CADPS: variants seen among roughly 807,000 people sequenced by gnomAD.
The protein encoded by CADPS is calcium-dependent secretion activator 1.
A neutral mutation model predicts 167.3 loss-of-function variants in CADPS; 57 were observed. The ratio of observed to expected loss-of-function variants is 0.34; its 90% CI spans 0.28 to 0.42. CADPS has a LOEUF of 0.42. Ranked by LOEUF, CADPS falls within the 20% of genes least tolerant of loss-of-function variation. CADPS has a pLI of 1.00. For missense variants in CADPS, 1,414 were observed against 1,738.1 expected, an observed-to-expected ratio of 0.81 and a Z score of 3.32; for synonymous variants, 676 against 635.3, an observed-to-expected ratio of 1.06 and a Z score of -0.96.
chr3:62,669,615 T>C (rs143813467), intron 3 of CADPS, among the ~76,000 whole-genome samples: 1 of 152,318 alleles, frequency 6.6e-6, no homozygotes, highest in Non-Finnish European at 1.5e-5. Context: ...ACTGTCCAAG[T>C]TCAAATCTTT....
Position 62,791,780 on chromosome 3 carries a change from C to CT in CADPS, c.442-25797dup, listed in dbSNP as rs1175798201. ...CCTTTCAAACTGTTCTGGCAATGCC[C>CT]TTTCCTAAATGTGTCACGTTAAGCA... On this transcript the variant is annotated intron_variant, in intron 1 of 29. Coordinates refer to ENST00000383710, the MANE Select transcript of CADPS (RefSeq NM_003716.4). 2.0e-5 allele frequency among the ~76,000 whole-genome samples: 3 copies of CT among 152,180 alleles called. No individual in the cohort carries two copies. In the East Asian group the frequency reaches 5.8e-4, roughly 29 times the overall value.
At chr3:62,606,372 GT>G (rs1354210780) in intron 6 of CADPS, among the ~76,000 whole-genome samples, 2 of 152,068 alleles carry the variant, frequency 1.3e-5, no homozygotes, top group Non-Finnish European at 2.9e-5. Context: ...AGATTAATGG[GT>G]TATCAAAGAA....
rs1289818555 is a variant in CADPS at position 62,507,462 on chromosome 3, C to T, written c.2599+5289G>A. On this transcript the variant is annotated intron_variant, in intron 17 of 29. Coordinates refer to ENST00000383710, the MANE Select transcript of CADPS (RefSeq NM_003716.4). ...AGGGTAGGGAGCATGACTGCTTTTG[C>T]TCATCACACACTCCCCTGGTGTCTG... Among the ~76,000 whole-genome samples, 4 of 151,246 alleles carry T rather than the reference C, an allele frequency of 2.6e-5. No homozygotes were observed. In the East Asian group the frequency reaches 7.8e-4, roughly 29 times the overall value.
chr3:62,806,497 T>C (rs2094109309), intron 1 of CADPS, among the ~76,000 whole-genome samples: 2 of 151,964 alleles, frequency 1.3e-5, no homozygotes, highest in Admixed American at 1.3e-4. Context: ...TCCACTGCAC[T>C]CCAGTCTGGA....
intron 28 of CADPS, among the ~76,000 whole-genome samples, chr3:62,417,814 C>T (rs768331808): frequency 4.0e-4 from 61 of 151,334 alleles, no homozygotes; most frequent in Admixed American, 3.1e-3. Context: ...GCCTGGGTGA[C>T]GAAGTGAAAC....
intron 1 of CADPS, among the ~76,000 whole-genome samples, chr3:62,856,869 A>C (rs2079795634): frequency 6.6e-6 from 1 of 151,898 alleles, no homozygotes; most frequent in Non-Finnish European, 1.5e-5. Flanking sequence ...AAAGGTAAAA[A>C]AAAAAAACAC....
At chr3:62,644,007 C>T (rs1474344896) in intron 6 of CADPS, among the ~76,000 whole-genome samples, 2 of 152,160 alleles carry the variant, frequency 1.3e-5, no homozygotes, top group Non-Finnish European at 2.9e-5. Context: ...CATTGGTTTC[C>T]ATTTCCTCTT....
chr3:62,415,947 C>T (rs1223404868), intron 28 of CADPS, among the ~76,000 whole-genome samples: 2 of 152,106 alleles, frequency 1.3e-5, no homozygotes, highest in African/African-American at 4.8e-5. Context: ...AGGCTGCAAC[C>T]TCCTGTTTCA....
At chr3:62,487,432 G>A (rs1449215996) in intron 21 of CADPS, among the ~76,000 whole-genome samples, 1 of 152,204 alleles carries the variant, frequency 6.6e-6, no homozygotes, top group Non-Finnish European at 1.5e-5. Flanking sequence ...TGTGAGTGGT[G>A]ACCCTACTAC....
At chr3:62,644,505 T>A (rs1242159459) in intron 6 of CADPS, among the ~76,000 whole-genome samples, 2 of 152,080 alleles carry the variant, frequency 1.3e-5, no homozygotes, top group African/African-American at 4.8e-5. Flanking sequence ...CCCCATCCAC[T>A]GCAGCGAGAG....
intron 6 of CADPS, among the ~76,000 whole-genome samples, chr3:62,644,408 G>A (rs1441438776): frequency 6.6e-6 from 1 of 152,098 alleles, no homozygotes; most frequent in Non-Finnish European, 1.5e-5. Context: ...AGAGTCTACT[G>A]ACCCTAATGA....
In CADPS at chr3:62,875,180, C is replaced by T; in HGVS notation, c.-151G>A. The T allele has an allele frequency of 9.5e-7, 1 of 1,054,148 alleles. No individual in the cohort carries two copies. Among genetic ancestry groups the T allele is most frequent in the Non-Finnish European group, 1.2e-6 (1 of 819,630 alleles). The allele number at this position is 1,054,148 out of a possible 1,614,324, so 65.3% of individuals were successfully genotyped here. ...CGCTGCTGCTCAGCCTCGGCCGCCG[C>T]GACTGATCCTCTGCCCGGCGGTCGC... On this transcript the variant is annotated 5_prime_UTR_variant, in exon 1 of 30. Coordinates refer to ENST00000383710, the MANE Select transcript of CADPS (RefSeq NM_003716.4).
chr3:62,581,365 A>G (rs1226933387), intron 8 of CADPS, among the ~76,000 whole-genome samples: 1 of 151,908 alleles, frequency 6.6e-6, no homozygotes, highest in Non-Finnish European at 1.5e-5. Flanking sequence ...ATGTCTTTTC[A>G]CAAGAAAAAA....
At position 62,850,102 on chromosome 3, in the gene CADPS, T is replaced by G. The variant is rs1433785200; in HGVS notation, c.441+24487A>C. ...AGTATTCTCTGATGGTAGTTTGTAT[T>G]TCTGTGGGATCGGTGGTGGTATCCC... On this transcript the variant is annotated intron_variant, in intron 1 of 29. Coordinates refer to ENST00000383710, the MANE Select transcript of CADPS (RefSeq NM_003716.4). 3.9e-4 allele frequency among the ~76,000 whole-genome samples: 42 copies of G among 106,424 alleles called. 6 individuals are homozygous for G. In the South Asian group the frequency reaches 0.014, roughly 36 times the overall value. The allele number at this position is 106,424 out of a possible 152,430, so 69.8% of individuals were successfully genotyped here. A position where few individuals can be genotyped will look rare whatever the true frequency, so the allele number is the denominator to read the frequency against.
At chr3:62,792,243 G>T (rs1442577814) in intron 1 of CADPS, among the ~76,000 whole-genome samples, 1 of 151,524 alleles carries the variant, frequency 6.6e-6, no homozygotes, top group African/African-American at 2.4e-5. Flanking sequence ...TGTTGCCCAG[G>T]CTGGAGTGCA....
At chr3:62,525,501 T>A (rs2071854307) in intron 13 of CADPS, among the ~76,000 whole-genome samples, 1 of 152,192 alleles carries the variant, frequency 6.6e-6, no homozygotes, top group African/African-American at 2.4e-5. Context: ...AATCTTTGTG[T>A]TCAGTGTGTA....
chr3:62,486,385 C>A (rs1288068948), intron 21 of CADPS, among the ~76,000 whole-genome samples: 1 of 137,562 alleles, frequency 7.3e-6, no homozygotes, highest in African/African-American at 2.8e-5. Flanking sequence ...GCGGAGCTTG[C>A]AGTGAGCCAA....
intron 3 of CADPS, among the ~76,000 whole-genome samples, chr3:62,700,208 C>T (rs1450438735): frequency 6.6e-6 from 1 of 152,118 alleles, no homozygotes; most frequent in Non-Finnish European, 1.5e-5. Flanking sequence ...AAACACATGT[C>T]TACAAAGTCT....
intron 3 of CADPS, among the ~76,000 whole-genome samples, chr3:62,743,736 G>A (rs558693214): frequency 2.0e-5 from 3 of 152,218 alleles, no homozygotes; most frequent in Admixed American, 6.5e-5. Flanking sequence ...GTAAATGAGC[G>A]AAGCAAACAA....
Sources: allele counts gnomAD v4.1 joint callset (sites outside exome capture counted in the v4.1 genomes callset), GRCh38; gene constraint gnomAD v4.1.1; transcripts MANE v1.5; gene names NCBI Gene and HGNC (gene_info 2026-07-23, HGNC 2026-07-21).